The following ALKBH8 variants were observed in gnomAD, a reference collection of about 807,000 sequenced individuals.
ALKBH8 encodes alkB homolog 8, tRNA methyltransferase.
In ALKBH8, 36 loss-of-function variants were observed where a neutral mutation model predicts 59.8. The observed-to-expected ratio is 0.60, with a 90% CI of 0.46 to 0.79. The LOEUF (loss-of-function observed/expected upper bound fraction) is 0.79. Ranked by LOEUF, ALKBH8 falls within the 30% of genes least tolerant of loss-of-function variation. The pLI is 0.00. For missense variants in ALKBH8, 768 were observed against 801.0 expected, an observed-to-expected ratio of 0.96 and a Z score of 0.50; for synonymous variants, 276 against 273.6, an observed-to-expected ratio of 1.01 and a Z score of -0.09.
At chr11:107,510,693 T>G (rs1044768206) in intron 11 of ALKBH8, among the ~76,000 whole-genome samples, 194 bp downstream of exon 11, 23 of 152,362 alleles carry the variant, frequency 1.5e-4, no homozygotes, top group African/African-American at 5.3e-4. Flanking sequence ...ATCAGGCCTC[T>G]GTTTAAGTAG....
intron 8 of ALKBH8, among the ~76,000 whole-genome samples, chr11:107,531,983 A>C (rs1448620443): frequency 6.6e-6 from 1 of 152,208 alleles, no homozygotes; most frequent in Non-Finnish European, 1.5e-5. Context: ...AACTTACTCT[A>C]AAATGATTCA....
chr11:107,521,092 G>A (rs750708957), intron 10 of ALKBH8, among the ~76,000 whole-genome samples: 4 of 152,054 alleles, frequency 2.6e-5, no homozygotes, highest in Non-Finnish European at 4.4e-5. Context: ...TCAGAGACTT[G>A]AACTTCTACA....
chr11:107,541,449 A>T (rs534386649), intron 7 of ALKBH8, among the ~76,000 whole-genome samples: 1 of 152,368 alleles, frequency 6.6e-6, no homozygotes, highest in East Asian at 1.9e-4. Context: ...AAACCAATAC[A>T]CATAGTCTTT....
chr11:107,538,613 T>C (rs571351520), intron 7 of ALKBH8, among the ~76,000 whole-genome samples: 31 of 152,306 alleles, frequency 2.0e-4, no homozygotes, highest in South Asian at 4.1e-4. Flanking sequence ...GACATTCTCA[T>C]CTTATACAAC....
intron 7 of ALKBH8, among the ~76,000 whole-genome samples, chr11:107,533,278 A>G (rs532473160): frequency 7.9e-5 from 12 of 152,196 alleles, no homozygotes; most frequent in Non-Finnish European, 1.2e-4. Flanking sequence ...TGAAAAATAG[A>G]TATGACAACC....
Position 107,510,944 on chromosome 11 carries a change from G to A in ALKBH8, c.1380C>T (p.Arg460=), listed in dbSNP as rs1476382613. 6.4e-6 allele frequency: 10 copies of A among 1,551,662 alleles called. No homozygotes were observed. The Admixed American group carries it at 2.0e-4, about 30-fold the overall frequency. ...FVCDALAVPV[R]SGSCDACISI... Reference sequence around the variant, plus strand: ...AGATGCAGGCATCACAAGACCCACTGCGGACTGGTACTGCCAATGCATCAC... The same window carrying A: ...AGATGCAGGCATCACAAGACCCACTACGGACTGGTACTGCCAATGCATCAC... Residue 460 remains arginine (R), a synonymous_variant, in exon 11 of 12, where the codon CGC becomes CGT. Coordinates refer to ENST00000428149, the MANE Select transcript of ALKBH8 (RefSeq NM_138775.3).
At chr11:107,509,908 C>A (rs1862552679) in intron 11 of ALKBH8, among the ~76,000 whole-genome samples, 1 of 152,112 alleles carries the variant, frequency 6.6e-6, no homozygotes, top group East Asian at 1.9e-4. Flanking sequence ...AGTTATAATA[C>A]AACAACTGAG....
intron 7 of ALKBH8, among the ~76,000 whole-genome samples, chr11:107,545,196 A>C (rs749106305): frequency 1.6e-4 from 24 of 152,208 alleles, no homozygotes; most frequent in Middle Eastern, 3.2e-3. Context: ...TCTGCGGTCC[A>C]GACTGTATTG....
intron 9 of ALKBH8, among the ~76,000 whole-genome samples, 193 bp downstream of exon 9, chr11:107,525,248 C>A (rs1434126643): frequency 1.3e-5 from 2 of 152,106 alleles, no homozygotes; most frequent in African/African-American, 4.8e-5. Flanking sequence ...AAGATGCAGA[C>A]CCTTGCCTTC....
chr11:107,530,353 G>C (rs1376314904), intron 8 of ALKBH8, among the ~76,000 whole-genome samples: 2 of 152,126 alleles, frequency 1.3e-5, no homozygotes, highest in African/African-American at 4.8e-5. Flanking sequence ...ATGCTTTCTA[G>C]TGCTTTTGTT....
At chr11:107,542,795 T>C (rs1864095863) in intron 7 of ALKBH8, among the ~76,000 whole-genome samples, 1 of 152,060 alleles carries the variant, frequency 6.6e-6, no homozygotes, top group African/African-American at 2.4e-5. Flanking sequence ...CTGCAGTACC[T>C]GCTACTAGGA....
chr11:107,527,221 A>G (rs951102351), intron 8 of ALKBH8, among the ~76,000 whole-genome samples: 11 of 151,970 alleles, frequency 7.2e-5, no homozygotes, highest in Non-Finnish European at 1.2e-4. Flanking sequence ...TGTGTTGCAT[A>G]TCTTTTAAAA....
Position 107,504,862 on chromosome 11 carries a change from G to A in ALKBH8, c.1791C>T (p.His597=). 6.4e-7 allele frequency: 1 copy of A among 1,551,732 alleles called. No individual in the cohort carries two copies. The highest frequency in any genetic ancestry group is 8.7e-7 in the Non-Finnish European group (1 of 1,146,966). The change falls in exon 12 of 12, where the codon CAC becomes CAT. Residue 597 remains histidine, a synonymous_variant. Coordinates refer to ENST00000428149, the MANE Select transcript of ALKBH8 (RefSeq NM_138775.3). The part of the protein sequence containing the change: ...FYSQDVLVPW[H]LKGNPDKGKP... ...TGCCTTTATCAGGATTTCCCTTAAG[G>A]TGCCAGGGAACCAGTACATCTTGAG...
chr11:107,522,567 A>G lies in ALKBH8; in HGVS notation c.1031-12T>C, dbSNP rs1356616046. On this transcript the variant is annotated splice_polypyrimidine_tract_variant and intron_variant, in intron 9 of 11. Coordinates refer to ENST00000428149, the MANE Select transcript of ALKBH8 (RefSeq NM_138775.3). ...GACCAACGGGTAACCTTAATGAAAAAGCAATACACACCTTTCCTTTTTATC... is the reference window on the plus strand; with the variant it reads ...GACCAACGGGTAACCTTAATGAAAAGGCAATACACACCTTTCCTTTTTATC... 1.3e-6 allele frequency: 2 copies of G among 1,549,316 alleles called. No individual in the cohort carries two copies. Among genetic ancestry groups the G allele is most frequent in the East Asian group, 4.9e-5 (2 of 40,904 alleles).
chr11:107,553,086 TTATG>T lies in ALKBH8; in HGVS notation c.595+18_595+21del. On this transcript the variant is annotated intron_variant, in intron 5 of 11. Transcript: ENST00000428149. Reference sequence around the variant, plus strand: ...ATTAATATTTTTGAGCCAGAATTTATTATGTATTAGCAATTACTTACCCCCAGAT... The same window carrying T: ...ATTAATATTTTTGAGCCAGAATTTATTATTAGCAATTACTTACCCCCAGAT... The T allele has an allele frequency of 7.0e-7, 1 of 1,424,788 alleles. No homozygotes were observed. Among genetic ancestry groups the T allele is most frequent in the Non-Finnish European group, 9.7e-7 (1 of 1,035,378 alleles). 88.3% of individuals were successfully genotyped at this position (1,424,788 alleles called of 1,614,324 possible).
intron 1 of ALKBH8, among the ~76,000 whole-genome samples, chr11:107,561,794 T>C (rs1332409690): frequency 6.6e-6 from 1 of 152,128 alleles, no homozygotes; most frequent in Non-Finnish European, 1.5e-5. Flanking sequence ...CAATAAATAT[T>C]TGATGGTAGG....
At chr11:107,507,959 G>T (rs767343294) in intron 11 of ALKBH8, among the ~76,000 whole-genome samples, 2 of 151,976 alleles carry the variant, frequency 1.3e-5, no homozygotes, top group Non-Finnish European at 2.9e-5. Flanking sequence ...ATTTCATCAA[G>T]GTATTCCCAT....
rs770095636 is a variant in ALKBH8 at position 107,532,373 on chromosome 11, C to T, written c.805G>A (p.Ala269Thr). The change falls in exon 8 of 12, where the codon GCA (alanine) becomes ACA (threonine). Residue 269 changes from alanine (A) to threonine (T), a missense_variant. Transcript: ENST00000428149. The stretch of plus-strand genomic sequence containing the variant: ...CGACGAGGCAACATAACTGGCACTG[C>T]AATGCCATCTGGGTGCTTAAAATCC... ...VMDFKHPDGI[A>T]VPVMLPRRSL... is the part of the protein sequence containing the mutation. 1 of 1,613,574 alleles carries T rather than the reference C, an allele frequency of 6.2e-7. No homozygotes were observed. Among genetic ancestry groups the T allele is most frequent in the East Asian group, 2.2e-5 (1 of 44,842 alleles).
chr11:107,546,425 C>T (rs1864257116), intron 7 of ALKBH8, among the ~76,000 whole-genome samples: 1 of 152,118 alleles, frequency 6.6e-6, no homozygotes, highest in Non-Finnish European at 1.5e-5. Flanking sequence ...TACCTAAAAA[C>T]AAAAGCCTAG....
Sources: allele counts gnomAD v4.1 joint callset (sites outside exome capture counted in the v4.1 genomes callset), GRCh38; gene constraint gnomAD v4.1.1; transcripts MANE v1.5; gene names NCBI Gene and HGNC (gene_info 2026-07-23, HGNC 2026-07-21).